APAF1: variants seen among roughly 807,000 people sequenced by gnomAD.
The protein encoded by APAF1 is apoptotic peptidase activating factor 1.
A neutral mutation model predicts 152.4 loss-of-function variants in APAF1; 91 were observed. The ratio of observed to expected loss-of-function variants is 0.60; its 90% CI spans 0.50 to 0.71. APAF1 has a LOEUF of 0.71. Ranked by LOEUF, APAF1 falls within the 30% of genes least tolerant of loss-of-function variation. The pLI is 0.00. For synonymous variants in APAF1, 484 were observed against 494.1 expected (o/e 0.98, Z 0.27); for missense variants, 1,283 against 1,472.0 (o/e 0.87, Z 2.10).
intron 19 of APAF1, 70 bp from the exon 20 acceptor site, chr12:98,708,515 T>C (rs924176704): frequency 4.0e-5 from 60 of 1,498,312 alleles, no homozygotes; most frequent in Admixed American, 8.6e-5. Flanking sequence ...AAACATAGTT[T>C]GTCTCTCGCT....
intron 15 of APAF1, 84 bp downstream of exon 15, chr12:98,683,358 A>G (rs939170660): frequency 4.1e-5 from 54 of 1,328,664 alleles, no homozygotes; most frequent in African/African-American, 5.8e-5. Context: ...GTATACTACT[A>G]TTAGGACTTT....
Position 98,699,483 on chromosome 12 carries a change from CAA to C in APAF1, c.2381_2382del (p.Gln794ArgfsTer15). On this transcript the variant is annotated frameshift_variant, in exon 17 of 27. Coordinates refer to ENST00000551964, the MANE Select transcript of APAF1 (RefSeq NM_181861.2). LOFTEE classifies it high-confidence loss of function. ...GTTCTTCCTAAATTTGGAGGACCCT[CAA>C]GAGGATATGGAAGTGATAGTGAAGT... ...KQFFLNLEDP[Q>X]EDMEVIVKCC... 6.2e-7 allele frequency: 1 copy of C among 1,614,058 alleles called. No homozygotes were observed. The highest frequency in any genetic ancestry group is 8.5e-7 in the Non-Finnish European group (1 of 1,179,974).
chr12:98,680,214 A>G (rs1036602316), intron 13 of APAF1, 63 bp from the exon 14 acceptor site: 3 of 1,490,986 alleles, frequency 2.0e-6, no homozygotes, highest in Non-Finnish European at 2.7e-6. Context: ...AAAGATTTTT[A>G]TTGAATGATG....
chr12:98,682,002 AGACTGCTTAGTT>A (rs369724283), intron 14 of APAF1, among the ~76,000 whole-genome samples: 86 of 151,320 alleles, frequency 5.7e-4, no homozygotes, highest in African/African-American at 1.6e-3. Context: ...TATATGGCAT[AGACTGCTTAGTT>A]GTCTTACATA....
intron 13 of APAF1, among the ~76,000 whole-genome samples, chr12:98,678,565 C>T (rs776209168): frequency 6.6e-6 from 1 of 152,376 alleles, no homozygotes; most frequent in South Asian, 2.1e-4. Flanking sequence ...CTCGGGCCTC[C>T]GGCTCCACAG....
intron 4 of APAF1, among the ~76,000 whole-genome samples, chr12:98,653,728 T>G (rs1375381534): frequency 1.1e-5 from 1 of 90,108 alleles, no homozygotes; most frequent in Admixed American, 1.3e-4. Context: ...ATATATAGTT[T>G]TTAACTATTT....
intron 9 of APAF1, among the ~76,000 whole-genome samples, chr12:98,667,280 T>C (rs987837582): frequency 6.6e-6 from 1 of 151,926 alleles, no homozygotes; most frequent in African/African-American, 2.4e-5. Flanking sequence ...TATTTTTTAT[T>C]TTTTGTAAAA....
At chr12:98,704,410 C>T (rs2097719134) in intron 18 of APAF1, among the ~76,000 whole-genome samples, 1 of 152,214 alleles carries the variant, frequency 6.6e-6, no homozygotes, top group African/African-American at 2.4e-5. Context: ...ACTGGGTTCA[C>T]AGGCTCCTCA....
Position 98,686,640 on chromosome 12 carries a change from C to A in APAF1, c.2179-108C>A, listed in dbSNP as rs1593066853. The A allele has an allele frequency of 2.7e-6, 3 of 1,106,216 alleles. No homozygotes were observed. In the East Asian group the frequency reaches 7.7e-5, roughly 28 times the overall value. The allele number at this position is 1,106,216 out of a possible 1,614,324, so 68.5% of individuals were successfully genotyped here. On this transcript the variant is annotated intron_variant, in intron 15 of 26. Transcript: ENST00000551964. Reference sequence around the variant, plus strand: ...GTGTTACTGTGAATTAAACATCATTCTGTAATCAAAAAGCTTAAATGAGAG... The same window carrying A: ...GTGTTACTGTGAATTAAACATCATTATGTAATCAAAAAGCTTAAATGAGAG...
chr12:98,725,199 A>T (rs928722236), intron 24 of APAF1, among the ~76,000 whole-genome samples: 13 of 152,192 alleles, frequency 8.5e-5, no homozygotes, highest in Admixed American at 7.9e-4. Flanking sequence ...GGAAGGAGTG[A>T]CATTGATCCT....
chr12:98,662,394 T>C, intron 5 of APAF1, 62 bp from the exon 6 acceptor site: 1 of 1,277,642 alleles, frequency 7.8e-7, no homozygotes, highest in South Asian at 1.2e-5. Context: ...GGTGGGATTA[T>C]CTTTTTAAAA....
At position 98,669,894 on chromosome 12, in the gene APAF1, C is replaced by T. The variant is rs112458209; in HGVS notation, c.1495-1079C>T. On this transcript the variant is annotated intron_variant, in intron 10 of 26. Coordinates refer to ENST00000551964, the MANE Select transcript of APAF1 (RefSeq NM_181861.2). ...TCCCTCCCTTCCCCTCCCCTCCCCT[C>T]TTCCTGCCCTCCCCTCTTCCTGCCC... is the stretch of plus-strand genomic sequence containing the variant. 7.0e-4 allele frequency among the ~76,000 whole-genome samples: 96 copies of T among 137,286 alleles called. 1 individual carries two copies. The highest frequency in any genetic ancestry group is 2.7e-3 in the African/African-American group (90 of 33,440). The allele number at this position is 137,286 out of a possible 152,430, so 90.1% of individuals were successfully genotyped here.
At chr12:98,663,471 C>T (rs1482618518) in intron 7 of APAF1, among the ~76,000 whole-genome samples, 6 of 152,146 alleles carry the variant, frequency 3.9e-5, no homozygotes, top group Non-Finnish European at 7.3e-5. Flanking sequence ...GCCTTAGCCT[C>T]CTAAAGCACT....
chr12:98,681,949 C>T (rs2097692676), intron 14 of APAF1, among the ~76,000 whole-genome samples: 1 of 152,024 alleles, frequency 6.6e-6, no homozygotes, highest in African/African-American at 2.4e-5. Context: ...AGTCAAAATC[C>T]CAGTGAAGGT....
intron 17 of APAF1, among the ~76,000 whole-genome samples, chr12:98,702,387 C>T (rs1191176828): frequency 6.6e-6 from 1 of 152,030 alleles, no homozygotes; most frequent in Non-Finnish European, 1.5e-5. Flanking sequence ...TAATAGCTCC[C>T]ACTGGAAGCT....
chr12:98,709,855 T>G (rs1313104274), intron 20 of APAF1, among the ~76,000 whole-genome samples: 2 of 152,146 alleles, frequency 1.3e-5, no homozygotes, highest in Non-Finnish European at 2.9e-5. Context: ...CAGAAACCCT[T>G]TCATAGTGAG....
At chr12:98,725,561 A>G (rs1295203537) in intron 25 of APAF1, 21 bp downstream of exon 25, 1 of 1,613,856 alleles carries the variant, frequency 6.2e-7, no homozygotes, top group Non-Finnish European at 8.5e-7. Flanking sequence ...TGCTGACATG[A>G]GAGCACTGCT....
At position 98,649,737 on chromosome 12, in the gene APAF1, AT is replaced by A. The variant is rs376917041; in HGVS notation, c.526+54del. ...TAGTAAGGTAGATAGACATGTAAAA[AT>A]ATTATGATATATCAATACGTGATAA... On this transcript the variant is annotated intron_variant, in intron 4 of 26. Transcript: ENST00000551964. The A allele has an allele frequency of 8.8e-4, 1,260 of 1,431,624 alleles. 7 individuals are homozygous for A. In the African/African-American group the frequency reaches 0.015, roughly 17 times the overall value. 88.7% of individuals were successfully genotyped at this position (1,431,624 alleles called of 1,614,324 possible). A position where few individuals can be genotyped will look rare whatever the true frequency, so the allele number is the denominator to read the frequency against.
Position 98,685,105 on chromosome 12 carries a change from C to A in APAF1, c.2179-1643C>A, listed in dbSNP as rs2097696607. Among the ~76,000 whole-genome samples the A allele has an allele frequency of 2.0e-5, 3 of 152,184 alleles. No individual in the cohort carries two copies. In the South Asian group the frequency reaches 6.2e-4, roughly 31 times the overall value. Reference sequence around the variant, plus strand: ...AACAGTATATATCTCACTTACTAATCATTTCTAAATAATTTTTGCCAAAAC... The same window carrying A: ...AACAGTATATATCTCACTTACTAATAATTTCTAAATAATTTTTGCCAAAAC... On this transcript the variant is annotated intron_variant, in intron 15 of 26. Transcript: ENST00000551964.
Sources: gnomAD v4.1 joint callset for allele counts (sites outside exome capture counted in the v4.1 genomes callset) on GRCh38, gnomAD v4.1.1 for gene constraint, MANE v1.5 for transcripts, NCBI Gene and HGNC (gene_info 2026-07-23, HGNC 2026-07-21) for gene names.